Variants in NOMO1 observed in about 807,000 individuals in gnomAD.
NOMO1 encodes NODAL modulator 1.
A neutral mutation model predicts 133.8 loss-of-function variants in NOMO1; 40 were observed. The observed-to-expected ratio is 0.30, with a 90% confidence interval of 0.23 to 0.39. The LOEUF (loss-of-function observed/expected upper bound fraction) is 0.39. Among genes scored for constraint, NOMO1 ranks in the 10% least tolerant of loss-of-function variants. The probability of loss-of-function intolerance (pLI) is 1.00; values close to 1 mark genes in which losing one functional copy is unlikely to be tolerated. For missense variants in NOMO1, 462 were observed against 1,419.9 expected (o/e 0.33, Z 10.84); for synonymous variants, 236 against 570.5 (o/e 0.41, Z 8.36).
intron 14 of NOMO1, among the ~76,000 whole-genome samples, chr16:14,865,962 GA>G (rs1241075673): frequency 7.7e-6 from 1 of 129,084 alleles, no homozygotes; most frequent in East Asian, 2.3e-4. Flanking sequence ...AAGAGTTACA[GA>G]AAAAGTTTGT....
chr16:14,857,673 A>G lies in NOMO1; in HGVS notation c.1220+18A>G, dbSNP rs564958907. ...GCAACAGGGTAAGCTTATCGTGTGGATTTGGAAGCGCCAGTAAATATGCTG... is the reference window on the plus strand; with the variant it reads ...GCAACAGGGTAAGCTTATCGTGTGGGTTTGGAAGCGCCAGTAAATATGCTG... On this transcript the variant is annotated intron_variant, in intron 11 of 30. Transcript: ENST00000287667. 4.4e-5 allele frequency: 71 copies of G among 1,613,648 alleles called. No individual in the cohort carries two copies. The East Asian group carries it at 7.4e-4, about 17-fold the overall frequency.
rs373571240 is a variant in NOMO1 at position 14,875,169 on chromosome 16, G to A, written c.2188G>A (p.Glu730Lys). ...GGAGAAAAACGGCAATGAGGAAGGCGAAGAAAGAATGACCAAGCCTCCCGT... is the reference window on the plus strand; with the variant it reads ...GGAGAAAAACGGCAATGAGGAAGGCAAAGAAAGAATGACCAAGCCTCCCGT... ...EREKNGNEEG[E>K]ERMTKPPVQE... The change falls in exon 19 of 31, where the codon GAA becomes AAA. Residue 730 changes from glutamate (E) to lysine (K), a missense_variant. Glu to Lys is a moderately conservative substitution (Grantham distance 56). Transcript: ENST00000287667. 7.1e-5 allele frequency: 114 copies of A among 1,613,834 alleles called. No homozygotes were observed. The highest frequency in any genetic ancestry group is 2.5e-4 in the Admixed American group (15 of 60,002).
At chr16:14,863,263 G>C in intron 12 of NOMO1, 76 bp downstream of exon 12, 1 of 1,469,778 alleles carries the variant, frequency 6.8e-7, no homozygotes, top group South Asian at 1.4e-5. Context: ...AGGTCGAATG[G>C]GGTTAGAGAA....
In NOMO1 at chr16:14,878,849, A is replaced by G. The variant is rs766755969; in HGVS notation, c.2757+15A>G. On this transcript the variant is annotated intron_variant, in intron 23 of 30. Coordinates refer to ENST00000287667, the MANE Select transcript of NOMO1 (RefSeq NM_014287.4). ...TCTCAAACCTGGTAACGTGTTCTGC[A>G]ATTTACCACCTGCCTGTCTTCCCTG... The G allele has an allele frequency of 1.2e-4, 198 of 1,607,076 alleles. No individual in the cohort carries two copies. The highest frequency in any genetic ancestry group is 6.8e-4 in the Middle Eastern group (3 of 4,434).
chr16:14,886,618 T>C (rs1281896573), intron 27 of NOMO1, 143 bp from the exon 28 acceptor site: 4 of 946,648 alleles, frequency 4.2e-6, no homozygotes, highest in Non-Finnish European at 6.5e-6. Context: ...GGATGTGTGA[T>C]GTCTATGGAG....
chr16:14,889,154 C>T lies in NOMO1; in HGVS notation c.3383C>T (p.Pro1128Leu). The T allele has an allele frequency of 1.2e-6, 2 of 1,611,622 alleles. No homozygotes were observed. Among genetic ancestry groups the T allele is most frequent in the Non-Finnish European group, 1.7e-6 (2 of 1,179,778 alleles). Residue 1128 changes from proline (P) to leucine (L), a missense_variant, in exon 29 of 31, where the codon CCT becomes CTT. Transcript: ENST00000287667. Reference sequence around the variant, plus strand: ...AGATCCCAGTATGACTACATCTTGCCTCAAGTTTCTTTCACCGCAGTGGGC... The same window carrying T: ...AGATCCCAGTATGACTACATCTTGCTTCAAGTTTCTTTCACCGCAGTGGGC... Reference protein sequence around the residue: ...LPRSQYDYILPQVSFTAVGYH... With the variant: ...LPRSQYDYILLQVSFTAVGYH...
intron 11 of NOMO1, among the ~76,000 whole-genome samples, chr16:14,859,218 G>T (rs923897625): frequency 2.0e-5 from 3 of 151,984 alleles, no homozygotes; most frequent in Admixed American, 2.0e-4. Flanking sequence ...CAACAGGGAG[G>T]TGCAGGGAGC....
At position 14,866,573 on chromosome 16, in the gene NOMO1, A is replaced by G; in HGVS notation, c.1688A>G (p.Asp563Gly). The change falls in exon 15 of 31, where the codon GAT (aspartate) becomes GGT (glycine). Residue 563 changes from aspartate to glycine, a missense_variant. Asp to Gly is a moderately conservative substitution (Grantham distance 94, BLOSUM62 -1). Transcript: ENST00000287667. The stretch of plus-strand genomic sequence containing the variant: ...TTTGCAGTAAGCATCATGCATGAGG[A>G]TTGGTGCTGGAAGAACAAGAGCCTG... ...GKYKISIMHE[D>G]WCWKNKSLEV... The G allele has an allele frequency of 6.2e-7, 1 of 1,610,132 alleles. No individual in the cohort carries two copies. The highest frequency in any genetic ancestry group is 8.5e-7 in the Non-Finnish European group (1 of 1,179,748).
In NOMO1 at chr16:14,857,178, G is replaced by T. The variant is rs547729522; in HGVS notation, c.964-39G>T. The T allele has an allele frequency of 2.5e-5, 41 of 1,610,356 alleles. No individual in the cohort carries two copies. In the East Asian group the frequency reaches 6.5e-4, roughly 25 times the overall value. The stretch of plus-strand genomic sequence containing the variant: ...GAGTCTTTGTGGCTCTGGCACAGGA[G>T]CACCTTCGAGCACCTTCTTCTTGTT... On this transcript the variant is annotated intron_variant, in intron 9 of 30. Coordinates refer to ENST00000287667, the MANE Select transcript of NOMO1 (RefSeq NM_014287.4).
At chr16:14,867,984 C>G (rs1337196337) in intron 15 of NOMO1, among the ~76,000 whole-genome samples, 1 of 108,428 alleles carries the variant, frequency 9.2e-6, no homozygotes. Context: ...CAGTGGTCCT[C>G]TGCAGTCCCA....
At chr16:14,883,184 TCTTA>T (rs1352785197) in intron 26 of NOMO1, among the ~76,000 whole-genome samples, 2 of 151,992 alleles carry the variant, frequency 1.3e-5, no homozygotes, top group African/African-American at 4.8e-5. Flanking sequence ...AAGGCTTTTC[TCTTA>T]CTGAGTAACT....
intron 27 of NOMO1, among the ~76,000 whole-genome samples, chr16:14,885,663 G>T (rs1335222666): frequency 2.0e-5 from 3 of 151,764 alleles, no homozygotes; most frequent in East Asian, 3.9e-4. Context: ...TGGGTAGGGT[G>T]GGGGGCAAAC....
chr16:14,847,733 C>A (rs552210251), intron 5 of NOMO1, among the ~76,000 whole-genome samples: 1 of 151,764 alleles, frequency 6.6e-6, no homozygotes, highest in Non-Finnish European at 1.5e-5. Flanking sequence ...TTACTAACTC[C>A]GTTAATATAC....
chr16:14,836,773 T>G (rs2151890953), intron 1 of NOMO1, among the ~76,000 whole-genome samples: 1 of 144,650 alleles, frequency 6.9e-6, no homozygotes, highest in South Asian at 2.3e-4. Context: ...TGGCACAATC[T>G]CGGCTCACTG....
At chr16:14,883,525 T>C (rs1226057371) in intron 26 of NOMO1, among the ~76,000 whole-genome samples, 1 of 151,588 alleles carries the variant, frequency 6.6e-6, no homozygotes, top group African/African-American at 2.4e-5. Flanking sequence ...AGAGACGGGG[T>C]TTCACCATGT....
In NOMO1 at chr16:14,857,242, C is replaced by T; in HGVS notation, c.989C>T (p.Ser330Phe). ...IEPVFHVMGF[S>F]VTGRVLNGPE... ...CCCGTGTTCCACGTCATGGGATTCTCCGTCACCGGGAGGGTCTTGAACGGA... is the reference window on the plus strand; with the variant it reads ...CCCGTGTTCCACGTCATGGGATTCTTCGTCACCGGGAGGGTCTTGAACGGA... The change falls in exon 10 of 31, where the codon TCC becomes TTC. Residue 330 changes from serine to phenylalanine, a missense_variant. Physicochemically the swap from Ser to Phe is radical, Grantham distance 155. Transcript: ENST00000287667. 1 of 1,592,170 alleles carries T rather than the reference C, an allele frequency of 6.3e-7. No individual in the cohort carries two copies. The highest frequency in any genetic ancestry group is 1.7e-5 in the Admixed American group (1 of 59,586).
chr16:14,875,121 A>G lies in NOMO1; in HGVS notation c.2140A>G (p.Ile714Val). The change falls in exon 19 of 31, where the codon ATC (isoleucine) becomes GTC (valine). Residue 714 changes from isoleucine to valine, a missense_variant. Physicochemically the swap from Ile to Val is conservative, Grantham distance 29 (BLOSUM62 3). Coordinates refer to ENST00000287667, the MANE Select transcript of NOMO1 (RefSeq NM_014287.4). ...ELRREQQLAE[I>V]EARRQEREKN... is the part of the protein sequence containing the mutation. Reference sequence around the variant, plus strand: ...GCGGAGGGAGCAGCAGCTGGCTGAGATCGAGGCCCGCAGGCAGGAGAGGGA... The same window carrying G: ...GCGGAGGGAGCAGCAGCTGGCTGAGGTCGAGGCCCGCAGGCAGGAGAGGGA... 2.5e-6 allele frequency: 4 copies of G among 1,613,810 alleles called. No homozygotes were observed. Among genetic ancestry groups the G allele is most frequent in the Non-Finnish European group, 3.4e-6 (4 of 1,179,850 alleles).
At chr16:14,867,174 A>ATG (rs1214789923) in intron 15 of NOMO1, among the ~76,000 whole-genome samples, 22 of 13,904 alleles carry the variant, frequency 1.6e-3, no homozygotes, top group African/African-American at 3.6e-3. Flanking sequence ...ATATATATAT[A>ATG]TATTTTTTTT....
At position 14,839,518 on chromosome 16, in the gene NOMO1, A is replaced by C. The variant is rs1171815806; in HGVS notation, c.255+1022A>C. On this transcript the variant is annotated intron_variant, in intron 2 of 30. Coordinates refer to ENST00000287667, the MANE Select transcript of NOMO1 (RefSeq NM_014287.4). Reference sequence around the variant, plus strand: ...CCTCTATACAATCCCATCCTCCCACATATAAACCTTTTATTTGGAAATACA... The same window carrying C: ...CCTCTATACAATCCCATCCTCCCACCTATAAACCTTTTATTTGGAAATACA... 6.3e-4 allele frequency among the ~76,000 whole-genome samples: 95 copies of C among 151,918 alleles called. No homozygotes were observed. In the Middle Eastern group the frequency reaches 0.01, roughly 16 times the overall value.
Sources: gnomAD v4.1 joint callset for allele counts (sites outside exome capture counted in the v4.1 genomes callset) on GRCh38, gnomAD v4.1.1 for gene constraint, MANE v1.5 for transcripts, NCBI Gene and HGNC (gene_info 2026-07-23, HGNC 2026-07-21) for gene names.